The following THSD7A variants were observed in gnomAD, a reference collection of about 807,000 sequenced individuals.
THSD7A encodes thrombospondin type 1 domain containing 7A, also known as thrombospondin type-1 domain-containing protein 7A.
A neutral mutation model predicts 231.3 loss-of-function variants in THSD7A; 96 were observed. The ratio of observed to expected loss-of-function variants is 0.41; its 90% CI spans 0.35 to 0.49. The LOEUF (loss-of-function observed/expected upper bound fraction) is 0.49, where lower values mean the gene tolerates loss of function less well. THSD7A is among the 20% of genes least tolerant of loss of function. The probability of loss-of-function intolerance (pLI) is 0.05; values close to 1 mark genes in which losing one functional copy is unlikely to be tolerated. For synonymous variants in THSD7A, 940 were observed against 743.3 expected (o/e 1.26, Z -4.30); for missense variants, 2,290 against 2,070.2 (o/e 1.11, Z -2.06).
chr7:11,623,966 G>A, intron 2 of THSD7A, among the ~76,000 whole-genome samples: 1 of 152,078 alleles, frequency 6.6e-6, no homozygotes, highest in East Asian at 1.9e-4. Flanking sequence ...AAACAAAATA[G>A]GGCAGGCAAC....
At chr7:11,617,180 A>G (rs1781135949) in intron 2 of THSD7A, among the ~76,000 whole-genome samples, 1 of 152,118 alleles carries the variant, frequency 6.6e-6, no homozygotes, top group Admixed American at 6.6e-5. Flanking sequence ...GTTTTACCGG[A>G]ACTATTATAT....
At chr7:11,768,835 G>T (rs1278218873) in intron 1 of THSD7A, among the ~76,000 whole-genome samples, 2 of 151,654 alleles carry the variant, frequency 1.3e-5, no homozygotes, top group Non-Finnish European at 2.9e-5. Flanking sequence ...TCAATCAGTT[G>T]ACTTACAAAC....
chr7:11,634,844 C>A lies in THSD7A; in HGVS notation c.1022+1286G>T, dbSNP rs985713992. 2.0e-5 allele frequency among the ~76,000 whole-genome samples: 3 copies of A among 151,990 alleles called. No homozygotes were observed. Among genetic ancestry groups the A allele is most frequent in the Admixed American group, 2.0e-4 (3 of 15,242 alleles). ...AAGTTATTGTCTTAGACAGACCAATCAATTTTTGTTTATCTAATTAAACTA... is the reference window on the plus strand; with the variant it reads ...AAGTTATTGTCTTAGACAGACCAATAAATTTTTGTTTATCTAATTAAACTA... On this transcript the variant is annotated intron_variant, in intron 2 of 27. Coordinates refer to ENST00000423059, the MANE Select transcript of THSD7A (RefSeq NM_015204.3). This position sits in a 1 kb window ranked among gnomAD's most constrained non-coding sequence, Gnocchi z 4.1.
At chr7:11,415,080 G>A (rs1051793755) in intron 17 of THSD7A, among the ~76,000 whole-genome samples, 47 of 152,330 alleles carry the variant, frequency 3.1e-4, no homozygotes, top group Admixed American at 9.2e-4. Flanking sequence ...ACCCTCTTTG[G>A]ATGTGTAAAA....
chr7:11,424,771 G>A lies in THSD7A; in HGVS notation c.3308C>T (p.Pro1103Leu). Residue 1103 changes from proline to leucine, a missense_variant, in exon 16 of 28, where the codon CCC (proline) becomes CTC (leucine). Transcript: ENST00000423059. The part of the protein sequence containing the change: ...DCNQYLWVTE[P>L]WSICKVTFVN... ...AAAGGTCACCTTGCAGATGCTCCAG[G>A]GCTCTGTGACCCATAGGTACTGGTT... The A allele has an allele frequency of 6.2e-7, 1 of 1,613,926 alleles. No homozygotes were observed. The highest frequency in any genetic ancestry group is 8.5e-7 in the Non-Finnish European group (1 of 1,179,872).
chr7:11,474,618 C>T lies in THSD7A; in HGVS notation c.2018-50G>A. ...AATTAGATACGGTGCCAACAGGAAC[C>T]TTACCATACTCTGTTCTTTGGAATT... On this transcript the variant is annotated intron_variant, in intron 7 of 27. Coordinates refer to ENST00000423059, the MANE Select transcript of THSD7A (RefSeq NM_015204.3). This position sits in a 1 kb window ranked among gnomAD's most constrained non-coding sequence, Gnocchi z 4.1. 1 of 1,428,830 alleles carries T rather than the reference C, an allele frequency of 7.0e-7. No homozygotes were observed. Among genetic ancestry groups the T allele is most frequent in the Middle Eastern group, 1.8e-4 (1 of 5,536 alleles). 88.5% of individuals were successfully genotyped at this position (1,428,830 alleles called of 1,614,324 possible). A position where few individuals can be genotyped will look rare whatever the true frequency, so the allele number is the denominator to read the frequency against.
rs1481629404 is a variant in THSD7A, at chr7:11,636,562, A to C, written c.590T>G (p.Val197Gly). 3.1e-6 allele frequency: 5 copies of C among 1,613,994 alleles called. No homozygotes were observed. Among genetic ancestry groups the C allele is most frequent in the Admixed American group, 3.3e-5 (2 of 60,024 alleles). Residue 197 changes from valine (V) to glycine (G), a missense_variant, in exon 2 of 28, where the codon GTG becomes GGG. Coordinates refer to ENST00000423059, the MANE Select transcript of THSD7A (RefSeq NM_015204.3). This position sits in a 1 kb window ranked among gnomAD's most constrained non-coding sequence, Gnocchi z 10.0. ...TTCGGACCAGGCAGAAAATTCAGACACGATGCAATCTTGCTGGCAAGGAAT... is the reference window on the plus strand; with the variant it reads ...TTCGGACCAGGCAGAAAATTCAGACCCGATGCAATCTTGCTGGCAAGGAAT... ...CLIPCQQDCI[V>G]SEFSAWSECS... is the part of the protein sequence containing the mutation.
At chr7:11,796,506 T>C (rs1397052558) in intron 1 of THSD7A, among the ~76,000 whole-genome samples, 1 of 151,998 alleles carries the variant, frequency 6.6e-6, no homozygotes, top group African/African-American at 2.4e-5. Flanking sequence ...ATATTAAAAT[T>C]TCCATCCAGA....
Position 11,424,725 on chromosome 7 carries a change from A to C in THSD7A, c.3354T>G (p.Cys1118Trp). ...CTTTTCGGGTTTGCACGCCCTCTCC[A>C]CAGTTCTCCCGCATATTCACAAAGG... ...KVTFVNMREN[C>W]GEGVQTRKVR... Residue 1118 changes from cysteine to tryptophan, a missense_variant, in exon 16 of 28, where the codon TGT becomes TGG. Cys to Trp is a radical substitution (Grantham distance 215, BLOSUM62 -2). Coordinates refer to ENST00000423059, the MANE Select transcript of THSD7A (RefSeq NM_015204.3). 1 of 1,613,888 alleles carries C rather than the reference A, an allele frequency of 6.2e-7. No individual in the cohort carries two copies. Among genetic ancestry groups the C allele is most frequent in the Non-Finnish European group, 8.5e-7 (1 of 1,179,868 alleles).
At chr7:11,385,752 A>G (rs907200845) in intron 23 of THSD7A, 3 of 152,036 alleles carry the variant, frequency 2.0e-5, no homozygotes, top group African/African-American at 4.8e-5. Context: ...TGCCAAGGTT[A>G]TACTCTCATA....
chr7:11,588,118 T>C (rs1779992605), intron 4 of THSD7A, among the ~76,000 whole-genome samples: 1 of 152,202 alleles, frequency 6.6e-6, no homozygotes, highest in Non-Finnish European at 1.5e-5. Context: ...ATTTCTCTCT[T>C]TTATAAGATA....
chr7:11,574,436 C>CTTTTT lies in THSD7A; in HGVS notation c.1453+16019_1453+16023dup, dbSNP rs535754264. ...CTGTCATAGAAAAGGGAAACAAAAA[C>CTTTTT]TTTTTTTTTTTTTTTTGAGACAGAG... On this transcript the variant is annotated intron_variant, in intron 4 of 27. Coordinates refer to ENST00000423059, the MANE Select transcript of THSD7A (RefSeq NM_015204.3). Among the ~76,000 whole-genome samples, 7 of 138,254 alleles carry CTTTTT rather than the reference C, an allele frequency of 5.1e-5. 1 individual carries two copies. Among genetic ancestry groups the CTTTTT allele is most frequent in the Admixed American group, 1.4e-4 (2 of 13,830 alleles). 90.7% of individuals were successfully genotyped at this position (138,254 alleles called of 152,430 possible).
chr7:11,762,832 C>T (rs1317621161), intron 1 of THSD7A, among the ~76,000 whole-genome samples: 1 of 152,016 alleles, frequency 6.6e-6, no homozygotes, highest in African/African-American at 2.4e-5. Flanking sequence ...AAAAACATTC[C>T]ATTCTCATGA....
chr7:11,501,179 G>A (rs1006924159), intron 6 of THSD7A, among the ~76,000 whole-genome samples: 6 of 152,070 alleles, frequency 3.9e-5, no homozygotes, highest in African/African-American at 1.2e-4. Context: ...CACAATAATA[G>A]TGGGAGACTT....
chr7:11,718,633 T>C (rs1394245740), intron 1 of THSD7A, among the ~76,000 whole-genome samples: 3 of 151,686 alleles, frequency 2.0e-5, no homozygotes, highest in Non-Finnish European at 4.4e-5. Flanking sequence ...CCATAGGTCC[T>C]GATATAGAAT....
chr7:11,687,070 A>C (rs1780080071), intron 1 of THSD7A, among the ~76,000 whole-genome samples: 1 of 151,894 alleles, frequency 6.6e-6, no homozygotes, highest in South Asian at 2.1e-4. Flanking sequence ...AATTTTTTAC[A>C]TTAATTTTGA....
chr7:11,574,838 G>A (rs1271785745), intron 4 of THSD7A, among the ~76,000 whole-genome samples: 1 of 152,108 alleles, frequency 6.6e-6, no homozygotes. Flanking sequence ...ATTTAAAAGA[G>A]AGGCACATTT....
chr7:11,645,993 A>G (rs1229064912), intron 1 of THSD7A, among the ~76,000 whole-genome samples: 2 of 151,940 alleles, frequency 1.3e-5, no homozygotes, highest in African/African-American at 2.4e-5. Flanking sequence ...AAAGTTCCCA[A>G]TTTTTGAGTA....
At chr7:11,605,688 T>C (rs1009042815) in intron 2 of THSD7A, among the ~76,000 whole-genome samples, 5 of 152,126 alleles carry the variant, frequency 3.3e-5, no homozygotes, top group Admixed American at 1.3e-4. Flanking sequence ...ATCACACAGA[T>C]AGAATTTATT....
Sources: gnomAD v4.1 joint callset for allele counts (sites outside exome capture counted in the v4.1 genomes callset) on GRCh38, gnomAD v4.1.1 for gene constraint, Gnocchi (gnomAD v3.1) non-coding constraint, MANE v1.5 for transcripts, NCBI Gene and HGNC (gene_info 2026-07-23, HGNC 2026-07-21) for gene names.